Variants in EPHB1 observed in about 807,000 individuals in gnomAD.
EPHB1 encodes ephrin type-B receptor 1.
EPHB1 carries 30 observed loss-of-function variants against 94.4 expected under a neutral mutation model. The ratio of observed to expected loss-of-function variants is 0.32; its 90% CI spans 0.24 to 0.43. The LOEUF (loss-of-function observed/expected upper bound fraction) is 0.43, where lower values mean the gene tolerates loss of function less well. Ranked by LOEUF, EPHB1 falls within the 20% of genes least tolerant of loss-of-function variation. The pLI is 1.00. For synonymous variants in EPHB1, 522 were observed against 489.1 expected (o/e 1.07, Z -0.89); for missense variants, 1,055 against 1,308.3 (o/e 0.81, Z 2.99).
At chr3:135,183,179 C>CT (rs1420653248) in intron 10 of EPHB1, among the ~76,000 whole-genome samples, 5 of 150,820 alleles carry the variant, frequency 3.3e-5, no homozygotes, top group Non-Finnish European at 5.9e-5. Flanking sequence ...TGAGCCCCTT[C>CT]TTTCCTTCCT....
chr3:135,172,326 A>G (rs559113905), intron 9 of EPHB1, among the ~76,000 whole-genome samples: 45 of 152,366 alleles, frequency 3.0e-4, no homozygotes, highest in African/African-American at 1.0e-3. Context: ...GCAATATCAA[A>G]GTAGGCCAGA....
intron 15 of EPHB1, among the ~76,000 whole-genome samples, chr3:135,255,570 T>C (rs903816408): frequency 1.0e-4 from 15 of 148,814 alleles, no homozygotes; most frequent in Admixed American, 2.0e-4. Context: ...GATTGCACTG[T>C]GGTCTGAGAG....
chr3:134,958,722 C>A (rs913323218), intron 3 of EPHB1, among the ~76,000 whole-genome samples: 1 of 152,124 alleles, frequency 6.6e-6, no homozygotes, highest in Admixed American at 6.5e-5. Flanking sequence ...CCCTACCCAG[C>A]GACCCCCAGA....
At chr3:135,246,522 C>T (rs550001784) in intron 13 of EPHB1, among the ~76,000 whole-genome samples, 97 of 152,268 alleles carry the variant, frequency 6.4e-4, no homozygotes, top group African/African-American at 1.9e-3. Context: ...CTAGGAAATA[C>T]GGCTTTTGAA....
At chr3:134,824,901 G>A (rs1330879049) in intron 1 of EPHB1, among the ~76,000 whole-genome samples, 2 of 152,208 alleles carry the variant, frequency 1.3e-5, no homozygotes, top group East Asian at 1.9e-4. Context: ...TCAAGCAGTA[G>A]TAGAGGCTTT....
intron 1 of EPHB1, among the ~76,000 whole-genome samples, chr3:134,842,595 A>C (rs1229499678): frequency 6.6e-6 from 1 of 152,216 alleles, no homozygotes; most frequent in South Asian, 2.1e-4. Flanking sequence ...CTATTTCCTT[A>C]GCTTGGCTTT....
chr3:135,059,198 G>C lies in EPHB1; in HGVS notation c.806-47250G>C, dbSNP rs149859353. 8.3e-3 allele frequency among the ~76,000 whole-genome samples: 1,262 copies of C among 152,282 alleles called. 3 individuals carry two copies. The highest frequency in any genetic ancestry group is 0.014 in the Non-Finnish European group (924 of 68,016). On this transcript the variant is annotated intron_variant, in intron 3 of 15. Transcript: ENST00000398015. Reference sequence around the variant, plus strand: ...GAACTTATGTTCCCCTTCTCAACAAGTTTACTTCTGAAGTAGAAAAAATTT... The same window carrying C: ...GAACTTATGTTCCCCTTCTCAACAACTTTACTTCTGAAGTAGAAAAAATTT...
chr3:134,993,257 G>A (rs954039593), intron 3 of EPHB1, among the ~76,000 whole-genome samples: 1 of 152,186 alleles, frequency 6.6e-6, no homozygotes, highest in Non-Finnish European at 1.5e-5. Flanking sequence ...GATGTTAGAC[G>A]AGCAAGTCCT....
chr3:134,799,326 G>T (rs1232125794), intron 1 of EPHB1, among the ~76,000 whole-genome samples: 1 of 152,190 alleles, frequency 6.6e-6, no homozygotes, highest in African/African-American at 2.4e-5. Context: ...ATCTGTTTTT[G>T]GTGTCCATGA....
At chr3:135,078,942 C>T (rs936886032) in intron 3 of EPHB1, among the ~76,000 whole-genome samples, 2 of 152,146 alleles carry the variant, frequency 1.3e-5, no homozygotes, top group African/African-American at 2.4e-5. Context: ...ACTGTAGTAA[C>T]CTCATTGGGA....
intron 1 of EPHB1, among the ~76,000 whole-genome samples, chr3:134,919,928 G>A (rs373464036): frequency 3.3e-5 from 5 of 152,024 alleles, no homozygotes; most frequent in African/African-American, 9.7e-5. Context: ...TGGTCTCTGC[G>A]CTTTCAACAG....
At chr3:135,072,377 C>T (rs961897296) in intron 3 of EPHB1, among the ~76,000 whole-genome samples, 2 of 152,130 alleles carry the variant, frequency 1.3e-5, no homozygotes, top group African/African-American at 2.4e-5. Context: ...GAGTGAGACT[C>T]CATCTCAAAA....
At chr3:135,149,694 C>T (rs573483196) in intron 5 of EPHB1, among the ~76,000 whole-genome samples, 3 of 152,316 alleles carry the variant, frequency 2.0e-5, no homozygotes, top group African/African-American at 7.2e-5. Flanking sequence ...TTCTTGCTTT[C>T]TCCCATGTGC....
At chr3:135,097,729 C>T (rs1392531956) in intron 3 of EPHB1, among the ~76,000 whole-genome samples, 1 of 152,220 alleles carries the variant, frequency 6.6e-6, no homozygotes, top group African/African-American at 2.4e-5. Context: ...CTAAGTGTCT[C>T]CTCTGCACAG....
intron 3 of EPHB1, among the ~76,000 whole-genome samples, chr3:134,993,682 C>T (rs1353053646): frequency 6.6e-6 from 1 of 152,222 alleles, no homozygotes; most frequent in African/African-American, 2.4e-5. Flanking sequence ...TGTCACTACT[C>T]TCAGCCCAGT....
intron 3 of EPHB1, among the ~76,000 whole-genome samples, chr3:135,040,933 G>T (rs1205054539): frequency 2.0e-5 from 3 of 152,168 alleles, no homozygotes; most frequent in African/African-American, 7.2e-5. Flanking sequence ...TACCACATCG[G>T]AATTTTATGG....
At chr3:134,795,732 C>T in intron 1 of EPHB1, 43 bp downstream of exon 1, 1 of 1,591,858 alleles carries the variant, frequency 6.3e-7, no homozygotes, top group Non-Finnish European at 8.6e-7. Flanking sequence ...TGGTGCCGGC[C>T]GCCTTGGGAC....
intron 4 of EPHB1, among the ~76,000 whole-genome samples, chr3:135,121,946 T>G (rs1034324430): frequency 6.6e-6 from 1 of 152,192 alleles, no homozygotes; most frequent in African/African-American, 2.4e-5. Context: ...ACAGAATGCT[T>G]TAACCTATGT....
intron 13 of EPHB1, among the ~76,000 whole-genome samples, chr3:135,245,678 T>G (rs903151154): frequency 2.6e-5 from 4 of 151,708 alleles, no homozygotes; most frequent in Admixed American, 2.0e-4. Flanking sequence ...TAATGGTGCA[T>G]GCCTGTAGTC....
Sources: allele counts gnomAD v4.1 joint callset (sites outside exome capture counted in the v4.1 genomes callset), GRCh38; gene constraint gnomAD v4.1.1; transcripts MANE v1.5; gene names NCBI Gene and HGNC (gene_info 2026-07-23, HGNC 2026-07-21).